SEPHS1: variants seen among roughly 807,000 people sequenced by gnomAD.
The protein encoded by SEPHS1 is zincore component SEPHS1.
SEPHS1 carries 7 observed loss-of-function variants against 39.2 expected under a neutral mutation model. The ratio of observed to expected loss-of-function variants is 0.18; its 90% CI spans 0.10 to 0.34. SEPHS1 has a LOEUF of 0.34. SEPHS1 is among the 10% of genes least tolerant of loss of function. The probability of loss-of-function intolerance (pLI) is 1.00; values close to 1 mark genes in which losing one functional copy is unlikely to be tolerated. For missense variants in SEPHS1, 253 were observed against 514.5 expected, an observed-to-expected ratio of 0.49 and a Z score of 4.92; for synonymous variants, 190 against 195.5, an observed-to-expected ratio of 0.97 and a Z score of 0.23.
At chr10:13,344,325 AAATTC>A (rs1431035422) in intron 2 of SEPHS1, among the ~76,000 whole-genome samples, 3 of 152,236 alleles carry the variant, frequency 2.0e-5, no homozygotes, top group Non-Finnish European at 2.9e-5. Context: ...AGCTAACAGA[AAATTC>A]AATTCAATTA....
chr10:13,322,127 T>C (rs988425631), intron 8 of SEPHS1: 1 of 413,010 alleles, frequency 2.4e-6, no homozygotes, highest in African/African-American at 2.2e-5. Flanking sequence ...TTTTTTATTC[T>C]GTATCATTCT....
intron 2 of SEPHS1, 97 bp from the exon 3 acceptor site, chr10:13,338,905 C>G: frequency 1.1e-6 from 1 of 871,638 alleles, no homozygotes; most frequent in Non-Finnish European, 1.9e-6. Context: ...TCATAAGATA[C>G]TTATGGAAAC....
chr10:13,324,777 A>T (rs1313655180), intron 7 of SEPHS1, among the ~76,000 whole-genome samples: 2 of 152,122 alleles, frequency 1.3e-5, no homozygotes, highest in African/African-American at 4.8e-5. Context: ...TGCCCAGCTA[A>T]TTTTTTGTAT....
In SEPHS1 at chr10:13,342,254, G is replaced by A. The variant is rs374408241; in HGVS notation, c.193+2504C>T. 1.9e-4 allele frequency among the ~76,000 whole-genome samples: 28 copies of A among 147,452 alleles called. No individual in the cohort carries two copies. The South Asian group carries it at 1.9e-3, about 10-fold the overall frequency. ...TGCACTCCAGCCTGGGCGACAGAGC[G>A]AGACTCCGTCTCAAAAAAAAAAAAA... On this transcript the variant is annotated intron_variant, in intron 2 of 8. Coordinates refer to ENST00000327347, the MANE Select transcript of SEPHS1 (RefSeq NM_012247.5).
chr10:13,338,409 G>C (rs1261303616), intron 3 of SEPHS1, among the ~76,000 whole-genome samples: 3 of 152,110 alleles, frequency 2.0e-5, no homozygotes, highest in Admixed American at 6.6e-5. Flanking sequence ...GACAAAAACA[G>C]GCCATTGACA....
intron 7 of SEPHS1, among the ~76,000 whole-genome samples, chr10:13,326,452 C>T (rs1038377957): frequency 2.1e-5 from 3 of 141,716 alleles, no homozygotes; most frequent in Admixed American, 7.5e-5. Flanking sequence ...TCAGCCTGGG[C>T]GAAAGAGCAA....
In SEPHS1 at chr10:13,347,206, C is replaced by A. The variant is rs539466815; in HGVS notation, c.-79+794G>T. On this transcript the variant is annotated intron_variant, in intron 1 of 8. Transcript: ENST00000327347. ...GGTTTGGTTTTTTTTTTTCTTCCAA[C>A]GAGCGTGGGGAGCCGGGGAGCCGGT... is the stretch of plus-strand genomic sequence containing the variant. The A allele has an allele frequency of 2.6e-5, 4 of 151,954 alleles. No individual in the cohort carries two copies. The South Asian group carries it at 8.3e-4, about 31-fold the overall frequency. The allele number at this position is 151,954 out of a possible 1,614,324, so 9.4% of individuals were successfully genotyped here. A position where few individuals can be genotyped will look rare whatever the true frequency, so the allele number is the denominator to read the frequency against.
chr10:13,328,850 CTCTGCGCAACA>C (rs1271879353), intron 6 of SEPHS1, among the ~76,000 whole-genome samples: 1 of 152,200 alleles, frequency 6.6e-6, no homozygotes, highest in African/African-American at 2.4e-5. Context: ...TGGAAGGCAC[CTCTGCGCAACA>C]TCCCCGCAGT....
At chr10:13,322,763 G>T (rs1369556566) in intron 8 of SEPHS1, 72 bp downstream of exon 8, 20 of 1,432,856 alleles carry the variant, frequency 1.4e-5, no homozygotes, top group Non-Finnish European at 1.9e-5. Flanking sequence ...CTCGGGGTGG[G>T]GCTGCTGCTT....
At chr10:13,339,420 G>A (rs1833726570) in intron 2 of SEPHS1, among the ~76,000 whole-genome samples, 1 of 152,100 alleles carries the variant, frequency 6.6e-6, no homozygotes, top group Admixed American at 6.6e-5. Context: ...TGTCAGAGGA[G>A]TCCCAAGACC....
At chr10:13,346,710 C>G (rs2130706369) in intron 1 of SEPHS1, among the ~76,000 whole-genome samples, 1 of 152,168 alleles carries the variant, frequency 6.6e-6, no homozygotes, top group East Asian at 1.9e-4. Context: ...CAGCCTCACC[C>G]CTACCAGGAA....
intron 7 of SEPHS1, among the ~76,000 whole-genome samples, chr10:13,326,602 T>TA (rs1383528750): frequency 5.9e-5 from 9 of 151,434 alleles, no homozygotes; most frequent in Admixed American, 5.9e-4. Context: ...GGCTGAAGCG[T>TA]AGGGGTATGA....
rs1049013031 is a variant in SEPHS1 at position 13,348,188 on chromosome 10, T to A, written c.-267A>T. ...GGGCTCGCCTGCCTCGGCGCGGCCC[T>A]GCGGGAGCCGGGCCGCCGCGCTCCC... is the stretch of plus-strand genomic sequence containing the variant. On this transcript the variant is annotated 5_prime_UTR_variant, in exon 1 of 9. Transcript: ENST00000327347. 1 of 142,954 alleles carries A rather than the reference T, an allele frequency of 7.0e-6. No individual in the cohort carries two copies. Among genetic ancestry groups the A allele is most frequent in the African/African-American group, 2.5e-5 (1 of 39,668 alleles). 8.9% of individuals were successfully genotyped at this position (142,954 alleles called of 1,614,324 possible). A position where few individuals can be genotyped will look rare whatever the true frequency, so the allele number is the denominator to read the frequency against.
intron 7 of SEPHS1, among the ~76,000 whole-genome samples, chr10:13,327,643 T>G (rs998433461): frequency 6.6e-6 from 1 of 152,240 alleles, no homozygotes; most frequent in African/African-American, 2.4e-5. Context: ...GTGAACACTT[T>G]GGAAGACAGT....
chr10:13,328,382 C>T lies in SEPHS1; in HGVS notation c.720G>A (p.Ala240=), dbSNP rs751789597. ...QEDVELAYQE[A]MMNMARLNRT... Reference sequence around the variant, plus strand: ...TGTTGAGCCTCGCCATGTTCATCATCGCCTCCTGGTAGGCCAGCTCTACAT... The same window carrying T: ...TGTTGAGCCTCGCCATGTTCATCATTGCCTCCTGGTAGGCCAGCTCTACAT... Residue 240 remains alanine (A), a synonymous_variant, in exon 7 of 9, where the codon GCG becomes GCA. Transcript: ENST00000327347. 5.0e-6 allele frequency: 8 copies of T among 1,613,754 alleles called. No individual in the cohort carries two copies. The highest frequency in any genetic ancestry group is 3.3e-5 in the Admixed American group (2 of 60,004).
intron 4 of SEPHS1, among the ~76,000 whole-genome samples, chr10:13,335,430 C>A (rs1050120062): frequency 1.3e-5 from 2 of 152,026 alleles, no homozygotes; most frequent in Non-Finnish European, 2.9e-5. Context: ...CTTTGGGAGG[C>A]CGAAGTGGGT....
At chr10:13,336,765 AAACAGC>A (rs1833648349) in intron 3 of SEPHS1, among the ~76,000 whole-genome samples, 1 of 151,050 alleles carries the variant, frequency 6.6e-6, no homozygotes, top group South Asian at 2.1e-4. Context: ...GAAAAGTTGG[AAACAGC>A]CACATATCCC....
At chr10:13,326,878 C>G (rs1455837785) in intron 7 of SEPHS1, among the ~76,000 whole-genome samples, 1 of 152,020 alleles carries the variant, frequency 6.6e-6, no homozygotes, top group Non-Finnish European at 1.5e-5. Flanking sequence ...ATTTTTATTT[C>G]CAAATGAATT....
rs1834001424 is a variant in SEPHS1 at position 13,348,237 on chromosome 10, T to A, written c.-316A>T. ...CCGCCGGCTGGGCGCGCGGGGGTCCTTTAAGGCCGGCCACCTCCCTTTAAG... is the reference window on the plus strand; with the variant it reads ...CCGCCGGCTGGGCGCGCGGGGGTCCATTAAGGCCGGCCACCTCCCTTTAAG... On this transcript the variant is annotated 5_prime_UTR_variant, in exon 1 of 9. In the 5' UTR this introduces an upstream ATG that the reference lacks. Coordinates refer to ENST00000327347, the MANE Select transcript of SEPHS1 (RefSeq NM_012247.5). 1 of 145,996 alleles carries A rather than the reference T, an allele frequency of 6.8e-6. No individual in the cohort carries two copies. Among genetic ancestry groups the A allele is most frequent in the Non-Finnish European group, 1.5e-5 (1 of 66,214 alleles). The allele number at this position is 145,996 out of a possible 1,614,324, so 9.0% of individuals were successfully genotyped here. A position where few individuals can be genotyped will look rare whatever the true frequency, so the allele number is the denominator to read the frequency against.
Sources: allele counts gnomAD v4.1 joint callset (sites outside exome capture counted in the v4.1 genomes callset), GRCh38; gene constraint gnomAD v4.1.1; transcripts MANE v1.5; gene names NCBI Gene and HGNC (gene_info 2026-07-23, HGNC 2026-07-21).